The following LNX1 variants were observed in gnomAD, a reference collection of about 807,000 sequenced individuals.
LNX1 encodes the protein ligand of numb-protein X 1.
LNX1 carries 54 observed loss-of-function variants against 68.4 expected under a neutral mutation model. That is an observed-to-expected ratio of 0.79 (90% CI 0.63 to 0.99). LNX1 has a LOEUF of 0.99. Ranked by LOEUF, LNX1 falls within the 50% of genes least tolerant of loss-of-function variation. The probability of loss-of-function intolerance (pLI) is 0.00; values close to 1 mark genes in which losing one functional copy is unlikely to be tolerated. For missense variants in LNX1, 906 were observed against 926.4 expected, an observed-to-expected ratio of 0.98 and a Z score of 0.29; for synonymous variants, 336 against 350.0, an observed-to-expected ratio of 0.96 and a Z score of 0.45.
At chr4:53,625,321 CA>C (rs1463736410) in intron 1 of LNX1, among the ~76,000 whole-genome samples, 32 of 152,242 alleles carry the variant, frequency 2.1e-4, no homozygotes, top group Middle Eastern at 3.4e-3. Context: ...AAATCAATAT[CA>C]GATGAGGGAC....
chr4:53,518,527 T>C (rs918082991), intron 2 of LNX1, among the ~76,000 whole-genome samples: 1 of 152,178 alleles, frequency 6.6e-6, no homozygotes, highest in African/African-American at 2.4e-5. Context: ...AGCCAACACT[T>C]ACAGTGCCCT....
intron 2 of LNX1, chr4:53,524,058 T>C (rs988356040): frequency 1.3e-5 from 2 of 152,226 alleles, no homozygotes; most frequent in African/African-American, 4.8e-5. Flanking sequence ...GTCTTTGTTC[T>C]TCTGGAAAAC....
At chr4:53,581,918 A>G (rs1319773846) in intron 1 of LNX1, among the ~76,000 whole-genome samples, 1 of 152,158 alleles carries the variant, frequency 6.6e-6, no homozygotes, top group Non-Finnish European at 1.5e-5. Flanking sequence ...TCTTTATTTG[A>G]ATACATTTTG....
chr4:53,646,919 C>A (rs943715262), intron 1 of LNX1, among the ~76,000 whole-genome samples: 1 of 152,160 alleles, frequency 6.6e-6, no homozygotes, highest in Non-Finnish European at 1.5e-5. Flanking sequence ...CCCCTTTGCC[C>A]GGGAGTTGAA....
At chr4:53,526,532 T>C (rs1727622945) in intron 2 of LNX1, among the ~76,000 whole-genome samples, 1 of 151,826 alleles carries the variant, frequency 6.6e-6, no homozygotes, top group Admixed American at 6.6e-5. Context: ...AGGCACAGCT[T>C]TTCACAATAA....
intron 6 of LNX1, among the ~76,000 whole-genome samples, chr4:53,483,198 C>T (rs1467798059): frequency 1.3e-5 from 2 of 152,094 alleles, no homozygotes; most frequent in East Asian, 1.9e-4. Flanking sequence ...ATGGGAGTTC[C>T]CCTGCACAGG....
intron 9 of LNX1, among the ~76,000 whole-genome samples, chr4:53,467,810 G>A (rs542413284): frequency 2.6e-5 from 4 of 152,250 alleles, no homozygotes; most frequent in South Asian, 2.1e-4. Flanking sequence ...AAAAAGAAAT[G>A]AACAAAGTCT....
At chr4:53,466,409 C>T (rs1259062576) in intron 9 of LNX1, among the ~76,000 whole-genome samples, 9 of 152,180 alleles carry the variant, frequency 5.9e-5, no homozygotes, top group Admixed American at 1.3e-4. Context: ...CAGCTCCCAG[C>T]GTGAGTGATG....
At chr4:53,648,152 A>G (rs1272901024) in intron 1 of LNX1, among the ~76,000 whole-genome samples, 1 of 152,172 alleles carries the variant, frequency 6.6e-6, no homozygotes, top group Non-Finnish European at 1.5e-5. Flanking sequence ...TGACAATTCT[A>G]TTTTTCATTT....
chr4:53,561,663 G>T (rs1390114917), intron 2 of LNX1, among the ~76,000 whole-genome samples: 2 of 152,162 alleles, frequency 1.3e-5, no homozygotes, highest in Non-Finnish European at 2.9e-5. Flanking sequence ...AAACTCCCAG[G>T]ACACTGGATG....
In LNX1 at chr4:53,463,652, A is replaced by G. The variant is rs1403788647; in HGVS notation, c.1893-2059T>C. 3.9e-5 allele frequency among the ~76,000 whole-genome samples: 6 copies of G among 152,002 alleles called. No homozygotes were observed. The East Asian group carries it at 9.6e-4, about 24-fold the overall frequency. On this transcript the variant is annotated intron_variant, in intron 9 of 10. Coordinates refer to ENST00000263925, the MANE Select transcript of LNX1 (RefSeq NM_001126328.3). ...TTTAGGCCTATCGAAGATTTGGCAT[A>G]GTATAAGGAATAGCAAGGAGTTTGG...
At chr4:53,508,875 G>A (rs1726118937) in intron 2 of LNX1, among the ~76,000 whole-genome samples, 1 of 152,026 alleles carries the variant, frequency 6.6e-6, no homozygotes, top group Admixed American at 6.5e-5. Flanking sequence ...CATTAAGAGA[G>A]TAAAACAGCT....
At chr4:53,576,005 A>C (rs1363337513) in intron 1 of LNX1, 4 of 1,565,500 alleles carry the variant, frequency 2.6e-6, no homozygotes, top group Non-Finnish European at 3.5e-6. Flanking sequence ...CAGGCCCTCC[A>C]TCTTCCCCCC....
intron 4 of LNX1, among the ~76,000 whole-genome samples, chr4:53,504,878 G>A (rs1303208005): frequency 5.3e-5 from 8 of 152,074 alleles, no homozygotes; most frequent in Non-Finnish European, 1.0e-4. Flanking sequence ...GGCATGGCTC[G>A]TGGCACGCTA....
At chr4:53,461,732 A>G (rs1722129890) in intron 9 of LNX1, 139 bp from the exon 10 acceptor site, 2 of 575,428 alleles carry the variant, frequency 3.5e-6, no homozygotes, top group South Asian at 3.5e-5. Flanking sequence ...TCAAAATTGT[A>G]TCATACCTTG....
intron 9 of LNX1, among the ~76,000 whole-genome samples, chr4:53,473,004 A>C (rs946089503): frequency 2.0e-5 from 3 of 152,182 alleles, no homozygotes; most frequent in African/African-American, 7.2e-5. Context: ...GTGATTTTCA[A>C]ATTTTTTTGT....
At chr4:53,646,831 G>C (rs1360584651) in intron 1 of LNX1, among the ~76,000 whole-genome samples, 2 of 152,162 alleles carry the variant, frequency 1.3e-5, no homozygotes, top group African/African-American at 2.4e-5. Flanking sequence ...GTTTTACAAA[G>C]CATTGCCACC....
intron 2 of LNX1, among the ~76,000 whole-genome samples, chr4:53,517,891 G>C (rs1348372514): frequency 8.3e-6 from 1 of 120,474 alleles, no homozygotes; most frequent in African/African-American, 3.1e-5. Context: ...GTGTAGATCC[G>C]AGTATGAACT....
chr4:53,466,190 AT>A (rs1722668507), intron 9 of LNX1, among the ~76,000 whole-genome samples: 1 of 152,184 alleles, frequency 6.6e-6, no homozygotes, highest in Non-Finnish European at 1.5e-5. Context: ...GGAATCACTA[AT>A]ATTGTACTGT....
Sources: allele counts gnomAD v4.1 joint callset (sites outside exome capture counted in the v4.1 genomes callset), GRCh38; gene constraint gnomAD v4.1.1; transcripts MANE v1.5; gene names NCBI Gene and HGNC (gene_info 2026-07-23, HGNC 2026-07-21).